The following FCER1G variants were observed in gnomAD, a reference collection of about 807,000 sequenced individuals.
FCER1G encodes the protein high affinity immunoglobulin epsilon receptor subunit gamma.
FCER1G carries 7 observed loss-of-function variants against 17.3 expected under a neutral mutation model. The observed-to-expected ratio is 0.40, with a 90% CI of 0.23 to 0.76. The LOEUF (loss-of-function observed/expected upper bound fraction) is 0.76. Ranked by LOEUF, FCER1G falls within the 30% of genes least tolerant of loss-of-function variation. The pLI is 0.35. For synonymous variants in FCER1G, 35 were observed against 38.7 expected, an observed-to-expected ratio of 0.90 and a Z score of 0.35; for missense variants, 87 against 97.7, an observed-to-expected ratio of 0.89 and a Z score of 0.46.
chr1:161,217,958 AC>A (rs1185544349), intron 1 of FCER1G, 27 bp from the exon 2 acceptor site: 2 of 1,501,488 alleles, frequency 1.3e-6, no homozygotes, highest in African/African-American at 2.8e-5. Flanking sequence ...GATACCCCCG[AC>A]CCCATGGGCA....
rs1491150470 is a variant in FCER1G at position 161,216,411 on chromosome 1, C to CACACACATATAT, written c.49+1042_49+1043insCACACATATATA. Reference sequence around the variant, plus strand: ...ACACACACACACACACACACACACACATATATATATATATATAGAGAGAGA... The same window carrying CACACACATATAT: ...ACACACACACACACACACACACACACACACACATATATATATATATATATATATAGAGAGAGA... On this transcript the variant is annotated intron_variant, in intron 1 of 4. Transcript: ENST00000289902. Among the ~76,000 whole-genome samples, 20 of 129,814 alleles carry CACACACATATAT rather than the reference C, an allele frequency of 1.5e-4. No homozygotes were observed. In the South Asian group the frequency reaches 2.1e-3, roughly 13 times the overall value. 85.2% of individuals were successfully genotyped at this position (129,814 alleles called of 152,430 possible).
Position 161,216,411 on chromosome 1 carries a change from CATAT to C in FCER1G, c.49+1055_49+1058del, listed in dbSNP as rs71090369. On this transcript the variant is annotated intron_variant, in intron 1 of 4. Coordinates refer to ENST00000289902, the MANE Select transcript of FCER1G (RefSeq NM_004106.2). ...ACACACACACACACACACACACACACATATATATATATATATAGAGAGAGAGAGA... is the reference window on the plus strand; with the variant it reads ...ACACACACACACACACACACACACACATATATATATATAGAGAGAGAGAGA... Among the ~76,000 whole-genome samples, 21 of 129,820 alleles carry C rather than the reference CATAT, an allele frequency of 1.6e-4. No homozygotes were observed. The East Asian group carries it at 2.1e-3, about 13-fold the overall frequency. The allele number at this position is 129,820 out of a possible 152,430, so 85.2% of individuals were successfully genotyped here.
Position 161,217,982 on chromosome 1 carries a change from TCA to T in FCER1G, c.50-3_50-2del. On this transcript the variant is annotated splice_acceptor_variant and splice_polypyrimidine_tract_variant and intron_variant, in intron 1 of 4. Coordinates refer to ENST00000289902, the MANE Select transcript of FCER1G (RefSeq NM_004106.2). LOFTEE classifies it high-confidence loss of function. ...GACCCCATGGGCATCCTCTATCCCCTCAGCGGCCCTGGGAGAGCCTCAGCTCT... is the reference window on the plus strand; with the variant it reads ...GACCCCATGGGCATCCTCTATCCCCTGCGGCCCTGGGAGAGCCTCAGCTCT... 1.2e-6 allele frequency: 2 copies of T among 1,609,512 alleles called. No homozygotes were observed. Among genetic ancestry groups the T allele is most frequent in the Non-Finnish European group, 8.5e-7 (1 of 1,175,882 alleles).
In FCER1G at chr1:161,217,921, C is replaced by G. The variant is rs1666080939; in HGVS notation, c.50-65C>G. On this transcript the variant is annotated intron_variant, in intron 1 of 4. Coordinates refer to ENST00000289902, the MANE Select transcript of FCER1G (RefSeq NM_004106.2). ...CCTACCTCCCAGAGCCCCTTCCCTT[C>G]TCTCCTCTGAGTACCAGATCCTCCC... The G allele has an allele frequency of 1.2e-5, 13 of 1,106,448 alleles. 1 individual carries two copies. In the South Asian group the frequency reaches 1.6e-4, roughly 14 times the overall value. 68.5% of individuals were successfully genotyped at this position (1,106,448 alleles called of 1,614,324 possible).
At position 161,218,070 on chromosome 1, in the gene FCER1G, G is replaced by A. The variant is rs1191289789; in HGVS notation, c.134G>A (p.Arg45Gln). Residue 45 changes from arginine to glutamine, a missense_variant, in exon 2 of 5, where the codon CGA (arginine) becomes CAA (glutamine). Coordinates refer to ENST00000289902, the MANE Select transcript of FCER1G (RefSeq NM_004106.2). The part of the protein sequence containing the change: ...YGIVLTLLYC[R>Q]LKIQVRKAAI... ...ATTGTCCTCACCCTCCTCTACTGTCGACTGAAGGTAGCGCTGGGCAGGGTG... is the reference window on the plus strand; with the variant it reads ...ATTGTCCTCACCCTCCTCTACTGTCAACTGAAGGTAGCGCTGGGCAGGGTG... The A allele has an allele frequency of 8.1e-6, 13 of 1,612,074 alleles. No individual in the cohort carries two copies. Among genetic ancestry groups the A allele is most frequent in the Admixed American group, 1.7e-5 (1 of 59,972 alleles).
chr1:161,216,423 T>TAGAGAG (rs775459058), intron 1 of FCER1G, among the ~76,000 whole-genome samples: 133 of 142,282 alleles, frequency 9.3e-4, no homozygotes, highest in East Asian at 6.9e-3. Flanking sequence ...TATATATATA[T>TAGAGAG]ATATAGAGAG....
At chr1:161,217,953 C>G (rs1303777014) in intron 1 of FCER1G, 33 bp from the exon 2 acceptor site, 1 of 1,468,844 alleles carries the variant, frequency 6.8e-7, no homozygotes, top group Admixed American at 1.7e-5. Flanking sequence ...TCCCTGATAC[C>G]CCCGACCCCA....
At chr1:161,218,460 G>A (rs374072110) in intron 3 of FCER1G, among the ~76,000 whole-genome samples, 184 bp downstream of exon 3, 2 of 152,276 alleles carry the variant, frequency 1.3e-5, no homozygotes, top group Admixed American at 6.5e-5. Flanking sequence ...CAGGTGACAG[G>A]GAAGAATCAA....
Position 161,215,383 on chromosome 1 carries a change from G to A in FCER1G, c.49+13G>A. Reference sequence around the variant, plus strand: ...GTTGAACAAGCAGGTAAGAGGGTTTGGTGAGGGATAGCGTGAGCTGGCTCC... The same window carrying A: ...GTTGAACAAGCAGGTAAGAGGGTTTAGTGAGGGATAGCGTGAGCTGGCTCC... On this transcript the variant is annotated intron_variant, in intron 1 of 4. Coordinates refer to ENST00000289902, the MANE Select transcript of FCER1G (RefSeq NM_004106.2). 1 of 1,612,186 alleles carries A rather than the reference G, an allele frequency of 6.2e-7. No homozygotes were observed. The highest frequency in any genetic ancestry group is 8.5e-7 in the Non-Finnish European group (1 of 1,178,482).
rs1317501932 is a variant in FCER1G, at chr1:161,218,770, G to A, written c.198+47G>A. 7 of 1,610,626 alleles carry A rather than the reference G, an allele frequency of 4.3e-6. No individual in the cohort carries two copies. In the South Asian group the frequency reaches 5.5e-5, roughly 13 times the overall value. ...ACCCAGGAAGTCAGCAGAAGAGGGTGGGATTTTGAGCGATCTTTGGAAGGC... is the reference window on the plus strand; with the variant it reads ...ACCCAGGAAGTCAGCAGAAGAGGGTAGGATTTTGAGCGATCTTTGGAAGGC... On this transcript the variant is annotated intron_variant, in intron 4 of 4. Coordinates refer to ENST00000289902, the MANE Select transcript of FCER1G (RefSeq NM_004106.2).
chr1:161,219,203 A>C lies in FCER1G; in HGVS notation c.*260A>C. 3.9e-6 allele frequency: 2 copies of C among 510,834 alleles called. No homozygotes were observed. Among genetic ancestry groups the C allele is most frequent in the Non-Finnish European group, 3.5e-6 (1 of 286,704 alleles). 31.6% of individuals were successfully genotyped at this position (510,834 alleles called of 1,614,324 possible). ...TTCCCCATTCCCAACTCCAGCTAAA[A>C]TATGGGAAGGGAGAACCCCCAATAA... On this transcript the variant is annotated 3_prime_UTR_variant, in exon 5 of 5. Transcript: ENST00000289902.
intron 1 of FCER1G, among the ~76,000 whole-genome samples, chr1:161,215,795 G>A (rs1666026095): frequency 6.6e-6 from 1 of 152,084 alleles, no homozygotes; most frequent in African/African-American, 2.4e-5. Context: ...GTTTCGTCAT[G>A]TTGACCAGGG....
At chr1:161,217,407 T>TA (rs1666073370) in intron 1 of FCER1G, among the ~76,000 whole-genome samples, 1 of 150,694 alleles carries the variant, frequency 6.6e-6, no homozygotes, top group Non-Finnish European at 1.5e-5. Context: ...TTTTTTTTTT[T>TA]TACATATTTA....
intron 4 of FCER1G, 70 bp from the exon 5 acceptor site, chr1:161,218,811 G>C (rs569178245): frequency 1.9e-6 from 3 of 1,578,762 alleles, no homozygotes; most frequent in Non-Finnish European, 2.6e-6. Flanking sequence ...GGGGGAGGGG[G>C]GTCCTGTGGA....
At chr1:161,218,779 A>T (rs1666103188) in intron 4 of FCER1G, 56 bp downstream of exon 4, 2 of 1,603,664 alleles carry the variant, frequency 1.2e-6, no homozygotes, top group Admixed American at 3.3e-5. Context: ...TGGGATTTTG[A>T]GCGATCTTTG....
chr1:161,215,363 A>G lies in FCER1G; in HGVS notation c.42A>G (p.Glu14=). Reference sequence around the variant, plus strand: ...TCTTGCTCTTACTCCTTTTGGTTGAACAAGCAGGTAAGAGGGTTTGGTGAG... The same window carrying G: ...TCTTGCTCTTACTCCTTTTGGTTGAGCAAGCAGGTAAGAGGGTTTGGTGAG... ...AVVLLLLLLV[E]QAAALGEPQL... Residue 14 remains glutamate (E), a synonymous_variant, in exon 1 of 5, where the codon GAA becomes GAG. Coordinates refer to ENST00000289902, the MANE Select transcript of FCER1G (RefSeq NM_004106.2). 6.2e-7 allele frequency: 1 copy of G among 1,613,530 alleles called. No individual in the cohort carries two copies. Among genetic ancestry groups the G allele is most frequent in the African/African-American group, 1.3e-5 (1 of 74,974 alleles).
At chr1:161,217,446 A>G (rs1004008352) in intron 1 of FCER1G, among the ~76,000 whole-genome samples, 10 of 150,392 alleles carry the variant, frequency 6.6e-5, no homozygotes, top group African/African-American at 2.5e-4. Flanking sequence ...AGAAAGCAAC[A>G]AGGCTGAGGC....
At chr1:161,218,669 G>A in intron 3 of FCER1G, 34 bp from the exon 4 acceptor site, 1 of 1,613,450 alleles carries the variant, frequency 6.2e-7, no homozygotes, top group Non-Finnish European at 8.5e-7. Context: ...AGAAAGTGTG[G>A]GTCTTTAATG....
At chr1:161,218,335 C>T in intron 3 of FCER1G, 59 bp downstream of exon 3, 5 of 1,474,142 alleles carry the variant, frequency 3.4e-6, no homozygotes, top group Non-Finnish European at 4.8e-6. Flanking sequence ...CCTCCTGGGG[C>T]TCTAGCCTGG....
Sources: allele counts gnomAD v4.1 joint callset (sites outside exome capture counted in the v4.1 genomes callset), GRCh38; gene constraint gnomAD v4.1.1; transcripts MANE v1.5; gene names NCBI Gene and HGNC (gene_info 2026-07-23, HGNC 2026-07-21).